The following NSD1 variants were observed in gnomAD, a reference collection of about 807,000 sequenced individuals.
NSD1 encodes the protein nuclear receptor binding SET domain protein 1, also known as histone-lysine N-methyltransferase, H3 lysine-36 specific.
In NSD1, 26 loss-of-function variants were observed where a neutral mutation model predicts 242.7. That is an observed-to-expected ratio of 0.11 (90% CI 0.08 to 0.15). NSD1 has a LOEUF of 0.15. NSD1 is among the 10% of genes least tolerant of loss of function. The pLI is 1.00. For synonymous variants in NSD1, 1,106 were observed against 1,178.1 expected (o/e 0.94, Z 1.25); for missense variants, 2,495 against 3,272.8 (o/e 0.76, Z 5.80).
chr5:177,215,476 A>G (rs1033411686), intron 5 of NSD1, among the ~76,000 whole-genome samples: 1 of 150,688 alleles, frequency 6.6e-6, no homozygotes, highest in African/African-American at 2.4e-5. Flanking sequence ...GCACCCAGTG[A>G]TGTTCATTTC....
chr5:177,291,902 A>G, intron 21 of NSD1, 52 bp from the exon 22 acceptor site: 2 of 1,532,672 alleles, frequency 1.3e-6, no homozygotes, highest in Non-Finnish European at 1.8e-6. Context: ...CCCGGTTAAG[A>G]TTGGTACTAA....
chr5:177,266,491 T>C (rs1581487702), intron 14 of NSD1: 1 of 620,120 alleles, frequency 1.6e-6, no homozygotes, highest in East Asian at 3.4e-5. Flanking sequence ...AAAGTAGTAA[T>C]CTTTGGACGT....
At position 177,297,894 on chromosome 5, in the gene NSD1, G is replaced by A. The variant is rs1760351574; in HGVS notation, c.*2435G>A. The A allele has an allele frequency of 4.3e-6, 1 of 233,002 alleles. No homozygotes were observed. Among genetic ancestry groups the A allele is most frequent in the Non-Finnish European group, 8.5e-6 (1 of 118,024 alleles). The allele number at this position is 233,002 out of a possible 1,614,324, so 14.4% of individuals were successfully genotyped here. A position where few individuals can be genotyped will look rare whatever the true frequency, so the allele number is the denominator to read the frequency against. ...TGGAGGCTTCGTTCCAGACCTGCCT[G>A]GGAAAACAGCTTCTGAGCCATTTTG... On this transcript the variant is annotated 3_prime_UTR_variant, in exon 23 of 23. Coordinates refer to ENST00000439151, the MANE Select transcript of NSD1 (RefSeq NM_022455.5).
rs2149756279 is a variant in NSD1, at chr5:177,135,639, G to A, written c.536G>A (p.Ser179Asn). Residue 179 changes from serine (S) to asparagine (N), a missense_variant, in exon 2 of 23, where the codon AGT (serine) becomes AAT (asparagine). Ser to Asn is a conservative substitution (Grantham distance 46, BLOSUM62 1). This residue lies in a region of NSD1 where 376 missense variants were observed against 367.4 expected (regional missense o/e 1.02). Coordinates refer to ENST00000439151, the MANE Select transcript of NSD1 (RefSeq NM_022455.5). ...DPEQPVTEDE[S>N]IEEIFEETQT... is the part of the protein sequence containing the mutation. ...GAACAGCCAGTCACAGAGGATGAGAGTATAGAGGAGATCTTTGAGGAAACT... is the reference window on the plus strand; with the variant it reads ...GAACAGCCAGTCACAGAGGATGAGAATATAGAGGAGATCTTTGAGGAAACT... The A allele has an allele frequency of 6.2e-7, 1 of 1,614,216 alleles. No individual in the cohort carries two copies.
At chr5:177,192,627 C>G (rs1761789944) in intron 3 of NSD1, among the ~76,000 whole-genome samples, 1 of 152,154 alleles carries the variant, frequency 6.6e-6, no homozygotes, top group African/African-American at 2.4e-5. Flanking sequence ...AGCTCCCGAC[C>G]TCAGGCGATC....
chr5:177,140,862 C>T (rs989549260), intron 2 of NSD1, among the ~76,000 whole-genome samples: 2 of 152,046 alleles, frequency 1.3e-5, no homozygotes, highest in Non-Finnish European at 2.9e-5. Context: ...GTTTTGCTGC[C>T]TGAGACAAAA....
At chr5:177,246,223 G>A (rs1197668996) in intron 9 of NSD1, among the ~76,000 whole-genome samples, 1 of 152,072 alleles carries the variant, frequency 6.6e-6, no homozygotes, top group Non-Finnish European at 1.5e-5. Context: ...GCCGGCCTCA[G>A]CCTCTCAAAG....
chr5:177,214,614 A>G (rs189589073), intron 5 of NSD1, among the ~76,000 whole-genome samples: 56 of 150,318 alleles, frequency 3.7e-4, no homozygotes, highest in Non-Finnish European at 1.2e-4. Context: ...TTCACATTTC[A>G]CTTAGCATAA....
intron 2 of NSD1, among the ~76,000 whole-genome samples, chr5:177,186,031 T>A (rs1440962629): frequency 1.4e-4 from 14 of 97,784 alleles, no homozygotes; most frequent in African/African-American, 5.0e-4. Context: ...TATTATATAT[T>A]TTTTATATAT....
rs1368797719 is a variant in NSD1, at chr5:177,135,506, T to A, written c.403T>A (p.Ser135Thr). ...AMKQEPSCNN[S>T]PELQVKVTKT... ...GAAACAGGAACCCTCTTGTAATAAC[T>A]CCCCTGAACTCCAGGTAAAAGTAAC... is the stretch of plus-strand genomic sequence containing the variant. The change falls in exon 2 of 23, where the codon TCC becomes ACC. Residue 135 changes from serine to threonine, a missense_variant. By Grantham distance (58) the Ser-to-Thr change is moderately conservative. This residue lies in a region of NSD1 where 376 missense variants were observed against 367.4 expected (regional missense o/e 1.02). Coordinates refer to ENST00000439151, the MANE Select transcript of NSD1 (RefSeq NM_022455.5). 3.7e-6 allele frequency: 6 copies of A among 1,614,184 alleles called. No individual in the cohort carries two copies. Among genetic ancestry groups the A allele is most frequent in the Non-Finnish European group, 5.1e-6 (6 of 1,180,028 alleles).
chr5:177,265,703 G>A (rs1281993914), intron 14 of NSD1: 8 of 1,608,782 alleles, frequency 5.0e-6, no homozygotes, highest in Admixed American at 1.7e-5. Flanking sequence ...CTCCTCGCCC[G>A]TCTTCAAGGT....
chr5:177,205,857 T>C (rs1460053582), intron 4 of NSD1, among the ~76,000 whole-genome samples: 1 of 152,082 alleles, frequency 6.6e-6, no homozygotes, highest in East Asian at 1.9e-4. Flanking sequence ...GGGGTCTCTC[T>C]ATGTTGTTCA....
intron 4 of NSD1, among the ~76,000 whole-genome samples, chr5:177,204,885 G>A (rs965753483): frequency 6.6e-6 from 1 of 151,880 alleles, no homozygotes; most frequent in Non-Finnish European, 1.5e-5. Context: ...CAACTTTACT[G>A]TGTCACTCAG....
chr5:177,135,915 T>C lies in NSD1; in HGVS notation c.812T>C (p.Leu271Ser). ...ACAAACATTACAATAGAAGAGCAAT[T>C]AAACTCAATAAATTTATCTTTTCAG... ...GDTNITIEEQLNSINLSFQDD... is the reference protein window; with the variant it reads ...GDTNITIEEQSNSINLSFQDD... The change falls in exon 2 of 23, where the codon TTA (leucine) becomes TCA (serine). Residue 271 changes from leucine to serine, a missense_variant. Leu to Ser is a moderately radical substitution (Grantham distance 145). Around this residue, in one of 19 missense-constraint regions of NSD1, gnomAD observed 376 missense variants for 367.4 expected, o/e 1.02. Transcript: ENST00000439151. 6.2e-7 allele frequency: 1 copy of C among 1,612,994 alleles called. No homozygotes were observed. The highest frequency in any genetic ancestry group is 8.5e-7 in the Non-Finnish European group (1 of 1,179,024).
chr5:177,181,731 G>A (rs181061808), intron 2 of NSD1, among the ~76,000 whole-genome samples: 107 of 151,572 alleles, frequency 7.1e-4, no homozygotes, highest in Non-Finnish European at 4.1e-4. Context: ...TGGCTGCATT[G>A]TGGTCTTACT....
intron 2 of NSD1, among the ~76,000 whole-genome samples, chr5:177,182,466 T>C (rs1209787991): frequency 6.6e-6 from 1 of 152,094 alleles, no homozygotes; most frequent in South Asian, 2.1e-4. Context: ...TTGCTCTCTT[T>C]CCCAGGCTCA....
chr5:177,238,341 T>A lies in NSD1; in HGVS notation c.4026T>A (p.Pro1342=), dbSNP rs751589427. ...ENSLISTKEE[P]PVLEREAPFL... ...CTTTGATTTCAACCAAAGAAGAGCC[T>A]CCAGTTCTTGAAAGGGAGGCTCCGT... Residue 1342 remains proline, a synonymous_variant, in exon 7 of 23, where the codon CCT becomes CCA. Transcript: ENST00000439151. The surrounding 1 kb of genome is among the most constrained non-coding windows in gnomAD (Gnocchi z 4.6). 6.2e-7 allele frequency: 1 copy of A among 1,614,032 alleles called. No individual in the cohort carries two copies. The highest frequency in any genetic ancestry group is 2.2e-5 in the East Asian group (1 of 44,860).
intron 2 of NSD1, among the ~76,000 whole-genome samples, chr5:177,164,058 T>C (rs1277402714): frequency 6.6e-6 from 1 of 152,140 alleles, no homozygotes; most frequent in Admixed American, 6.6e-5. Context: ...GTATTTCTGG[T>C]CTGCATAAAA....
chr5:177,158,998 T>TTATATATATATATATGAATGAGA (rs1554173192), intron 2 of NSD1, among the ~76,000 whole-genome samples: 2 of 122,612 alleles, frequency 1.6e-5, no homozygotes, highest in African/African-American at 7.6e-5. Flanking sequence ...ATGAATGATT[T>TTATATATATATATATGAATGAGA]TATATATATA....
Sources: allele counts gnomAD v4.1 joint callset (sites outside exome capture counted in the v4.1 genomes callset), GRCh38; gene constraint gnomAD v4.1.1; regional missense constraint gnomAD v4.1.1; non-coding constraint Gnocchi (gnomAD v3.1); transcripts MANE v1.5; gene names NCBI Gene and HGNC (gene_info 2026-07-23, HGNC 2026-07-21).